The following COL14A1 variants were observed in gnomAD, a reference collection of about 807,000 sequenced individuals.
COL14A1 encodes the protein collagen type XIV alpha 1 chain.
A neutral mutation model predicts 230.3 loss-of-function variants in COL14A1; 136 were observed. The observed-to-expected ratio is 0.59, with a 90% CI of 0.51 to 0.68. The LOEUF is 0.68. Among genes scored for constraint, COL14A1 ranks in the 30% least tolerant of loss-of-function variants. COL14A1 has a pLI of 0.00. For missense variants in COL14A1, 1,976 were observed against 2,215.8 expected (o/e 0.89, Z 2.17); for synonymous variants, 792 against 784.1 (o/e 1.01, Z -0.17).
chr8:120,170,631 G>A (rs1816067119), intron 5 of COL14A1, among the ~76,000 whole-genome samples: 2 of 151,920 alleles, frequency 1.3e-5, no homozygotes, highest in Admixed American at 6.6e-5. Context: ...GATGGTATTA[G>A]TCCATTTCTA....
intron 14 of COL14A1, among the ~76,000 whole-genome samples, chr8:120,222,598 G>A (rs1016526343): frequency 1.3e-5 from 2 of 152,170 alleles, no homozygotes; most frequent in African/African-American, 2.4e-5. Context: ...TACAATGACA[G>A]CTCTTTTTTC....
intron 5 of COL14A1, among the ~76,000 whole-genome samples, chr8:120,180,547 C>T (rs1259628885): frequency 2.0e-5 from 3 of 152,082 alleles, no homozygotes; most frequent in African/African-American, 7.2e-5. Flanking sequence ...GTATCCGTTG[C>T]TCTCTCTTGC....
intron 31 of COL14A1, among the ~76,000 whole-genome samples, chr8:120,282,177 C>G (rs1343457713): frequency 6.6e-6 from 1 of 152,166 alleles, no homozygotes; most frequent in Admixed American, 6.5e-5. Flanking sequence ...AGTTCATGTC[C>G]TTTGTAGGGA....
intron 1 of COL14A1, among the ~76,000 whole-genome samples, 188 bp from the exon 2 acceptor site, chr8:120,147,618 A>G (rs574748965): frequency 1.3e-5 from 2 of 152,346 alleles, no homozygotes; most frequent in African/African-American, 4.8e-5. Context: ...CATTCTGTCC[A>G]TTTACAGCAC....
At chr8:120,215,057 C>T (rs1178526146) in intron 13 of COL14A1, among the ~76,000 whole-genome samples, 2 of 152,110 alleles carry the variant, frequency 1.3e-5, no homozygotes, top group Non-Finnish European at 2.9e-5. Flanking sequence ...TAGCAGCAGG[C>T]CACTGATGTA....
chr8:120,315,499 G>A, intron 38 of COL14A1, 34 bp from the exon 39 acceptor site: 1 of 1,571,168 alleles, frequency 6.4e-7, no homozygotes, highest in Non-Finnish European at 8.7e-7. Context: ...ATTTACCTAT[G>A]TGAACTTAAC....
chr8:120,154,496 G>T (rs1815396640), intron 2 of COL14A1, among the ~76,000 whole-genome samples: 1 of 152,170 alleles, frequency 6.6e-6, no homozygotes, highest in Non-Finnish European at 1.5e-5. Flanking sequence ...TGGAGTGGAA[G>T]ATAATGGGTA....
chr8:120,240,026 C>T (rs1416205442), intron 19 of COL14A1, among the ~76,000 whole-genome samples: 2 of 151,750 alleles, frequency 1.3e-5, no homozygotes, highest in African/African-American at 4.8e-5. Context: ...TTTCTAGTTT[C>T]TTTCGTTTCA....
chr8:120,302,152 T>A (rs1586845344), intron 36 of COL14A1, among the ~76,000 whole-genome samples: 1 of 152,334 alleles, frequency 6.6e-6, no homozygotes, highest in East Asian at 1.9e-4. Context: ...GTCAGATGCA[T>A]AGTTTGCAAA....
chr8:120,276,532 T>G lies in COL14A1; in HGVS notation c.3214-1579T>G, dbSNP rs1456938142. ...GTAAATAAAAATAGGTTCCCCACCC[T>G]GTGTCCAAGTGTTCTCATTGTTCAA... is the stretch of plus-strand genomic sequence containing the variant. On this transcript the variant is annotated intron_variant, in intron 26 of 47. Transcript: ENST00000297848. 3.3e-5 allele frequency among the ~76,000 whole-genome samples: 5 copies of G among 151,776 alleles called. No homozygotes were observed. The South Asian group carries it at 1.0e-3, about 32-fold the overall frequency.
rs375852394 is a variant in COL14A1, at chr8:120,197,805, T to C, written c.593-6T>C. On this transcript the variant is annotated splice_region_variant and splice_polypyrimidine_tract_variant and intron_variant, in intron 6 of 47. Coordinates refer to ENST00000297848, the MANE Select transcript of COL14A1 (RefSeq NM_021110.4). ...TCCTGGTGCGTTTCCTAATCTTTTT[T>C]TCCAGGTCTTGCACAGTATAGTGGT... 87 of 1,601,032 alleles carry C rather than the reference T, an allele frequency of 5.4e-5. No homozygotes were observed. The African/African-American group carries it at 1.1e-3, about 19-fold the overall frequency.
In COL14A1 at chr8:120,332,733, C is replaced by T; in HGVS notation, c.4783C>T (p.Pro1595Ser). ...SMGPQGALGP[P>S]GVPGAKGERG... ...GGGACCGCAAGGCGCCCTGGGACCA[C>T]CTGTGAGTATGCAGCGGTAGCTGCT... Residue 1595 changes from proline to serine, a missense_variant and splice_region_variant, in exon 42 of 48, where the codon CCT (proline) becomes TCT (serine). Physicochemically the swap from Pro to Ser is moderately conservative, Grantham distance 74. Around this residue, in one of 3 missense-constraint regions of COL14A1, gnomAD observed 1,791 missense variants for 2,019.5 expected, o/e 0.89. Transcript: ENST00000297848. 6.2e-7 allele frequency: 1 copy of T among 1,612,314 alleles called. No homozygotes were observed. Among genetic ancestry groups the T allele is most frequent in the South Asian group, 1.1e-5 (1 of 90,866 alleles).
chr8:120,137,984 GT>G (rs1011685956), intron 1 of COL14A1, among the ~76,000 whole-genome samples: 3 of 151,658 alleles, frequency 2.0e-5, no homozygotes, highest in Non-Finnish European at 2.9e-5. Context: ...AATTTATTGA[GT>G]TTTATTTTAT....
In COL14A1 at chr8:120,372,125, T is replaced by A. The variant is rs1812180842; in HGVS notation, c.*894T>A. The stretch of plus-strand genomic sequence containing the variant: ...GTCCACCAGAAAGACAACAGTTGTC[T>A]TCCTTTAGGTAAGCATTCAAACTTT... On this transcript the variant is annotated 3_prime_UTR_variant, in exon 48 of 48. Transcript: ENST00000297848. 6.6e-6 allele frequency: 1 copy of A among 152,466 alleles called. No homozygotes were observed. The highest frequency in any genetic ancestry group is 2.4e-5 in the African/African-American group (1 of 41,496). 9.4% of individuals were successfully genotyped at this position (152,466 alleles called of 1,614,324 possible). A position where few individuals can be genotyped will look rare whatever the true frequency, so the allele number is the denominator to read the frequency against.
At chr8:120,361,430 G>A (rs1392225382) in intron 45 of COL14A1, among the ~76,000 whole-genome samples, 1 of 152,202 alleles carries the variant, frequency 6.6e-6, no homozygotes. Context: ...CTACAGACCA[G>A]ACATGCAGAA....
rs1816986051 is a variant in COL14A1, at chr8:120,195,131, G to A, written c.437-1660G>A. Among the ~76,000 whole-genome samples, 3 of 152,086 alleles carry A rather than the reference G, an allele frequency of 2.0e-5. No homozygotes were observed. In the South Asian group the frequency reaches 6.2e-4, roughly 32 times the overall value. ...TTCCCCATCTGGTAAAAGCATCTAG[G>A]TATCCCATGAATATTTATATCTGGA... On this transcript the variant is annotated intron_variant, in intron 5 of 47. Coordinates refer to ENST00000297848, the MANE Select transcript of COL14A1 (RefSeq NM_021110.4).
chr8:120,162,325 C>A, intron 3 of COL14A1, 101 bp from the exon 4 acceptor site: 1 of 881,632 alleles, frequency 1.1e-6, no homozygotes, highest in Non-Finnish European at 1.7e-6. Flanking sequence ...TCAAAAAATG[C>A]CTTTACTGTT....
intron 4 of COL14A1, among the ~76,000 whole-genome samples, chr8:120,166,934 G>GT (rs1316533735): frequency 1.4e-5 from 2 of 147,858 alleles, no homozygotes; most frequent in African/African-American, 5.0e-5. Context: ...TGGTGATGAT[G>GT]GTGGTGGTGG....
At chr8:120,198,082 A>G in intron 7 of COL14A1, 152 bp downstream of exon 7, 1 of 751,774 alleles carries the variant, frequency 1.3e-6, no homozygotes, top group African/African-American at 1.8e-5. Context: ...CTCAGCATTG[A>G]GTTAAAAGCC....
Sources: gnomAD v4.1 joint callset for allele counts (sites outside exome capture counted in the v4.1 genomes callset) on GRCh38, gnomAD v4.1.1 for gene constraint, gnomAD v4.1.1 regional missense constraint, MANE v1.5 for transcripts, NCBI Gene and HGNC (gene_info 2026-07-23, HGNC 2026-07-21) for gene names.